Variants in AMDHD2 observed in about 807,000 individuals in gnomAD.
AMDHD2 encodes the protein N-acetylglucosamine-6-phosphate deacetylase.
AMDHD2 carries 24 observed loss-of-function variants against 41.8 expected under a neutral mutation model. That is an observed-to-expected ratio of 0.57 (90% CI 0.42 to 0.81). The LOEUF (loss-of-function observed/expected upper bound fraction) is 0.81, where lower values mean the gene tolerates loss of function less well. Ranked by LOEUF, AMDHD2 falls within the 30% of genes least tolerant of loss-of-function variation. The pLI, the probability that AMDHD2 is intolerant of heterozygous loss-of-function variation, is 0.00. For missense variants in AMDHD2, 540 were observed against 588.5 expected (o/e 0.92, Z 0.85); for synonymous variants, 332 against 255.5 (o/e 1.30, Z -2.85).
At chr16:2,522,419 A>T (rs898511345) in intron 3 of AMDHD2, among the ~76,000 whole-genome samples, 19 of 152,076 alleles carry the variant, frequency 1.2e-4, no homozygotes, top group African/African-American at 4.3e-4. Flanking sequence ...GCGGTGGCTC[A>T]CGCCTGTAAT....
Position 2,528,298 on chromosome 16 carries a change from C to T in AMDHD2, c.780C>T (p.Arg260=), listed in dbSNP as rs1242259453. 2 of 1,612,650 alleles carry T rather than the reference C, an allele frequency of 1.2e-6. No homozygotes were observed. Among genetic ancestry groups the T allele is most frequent in the South Asian group, 2.2e-5 (2 of 91,088 alleles). The part of the protein sequence containing the change: ...LLTSDRLPAG[R]CIFYGMIADG... ...CCAGCGACCGGCTGCCCGCAGGCCG[C>T]TGCATCTTCTATGGGATGATTGCAG... Residue 260 remains arginine (R), a synonymous_variant, in exon 7 of 11, where the codon CGC becomes CGT. Transcript: ENST00000293971.
At chr16:2,523,081 A>G (rs2065962526) in intron 3 of AMDHD2, among the ~76,000 whole-genome samples, 1 of 152,052 alleles carries the variant, frequency 6.6e-6, no homozygotes, top group African/African-American at 2.4e-5. Context: ...TGACCTCACG[A>G]TCTGCCCATC....
chr16:2,530,675 C>T lies in AMDHD2; in HGVS notation c.*1112C>T. The T allele has an allele frequency of 6.2e-7, 1 of 1,614,148 alleles. No individual in the cohort carries two copies. Among genetic ancestry groups the T allele is most frequent in the Non-Finnish European group, 8.5e-7 (1 of 1,180,022 alleles). ...CCCAGTTAAGGAAATGTCTCCAGGT[C>T]CAAAGAGATAGGATGGTCTGGGCCC... On this transcript the variant is annotated 3_prime_UTR_variant, in exon 11 of 11. Coordinates refer to ENST00000293971, the MANE Select transcript of AMDHD2 (RefSeq NM_001330449.2).
In AMDHD2 at chr16:2,520,523, G is replaced by A; in HGVS notation, c.65G>A (p.Arg22His). The change falls in exon 1 of 11, where the codon CGC becomes CAC. Residue 22 changes from arginine to histidine, a missense_variant. Arg to His is a conservative substitution (Grantham distance 29). Transcript: ENST00000293971. Reference sequence around the variant, plus strand: ...CAGTTCACTAACTGCCGGATCCTGCGCGGAGGGAAACTGCTCAGGTGGGCG... The same window carrying A: ...CAGTTCACTAACTGCCGGATCCTGCACGGAGGGAAACTGCTCAGGTGGGCG... The part of the protein sequence containing the change: ...VLQFTNCRIL[R>H]GGKLLREDLW... 8.1e-7 allele frequency: 1 copy of A among 1,239,528 alleles called. No homozygotes were observed. The highest frequency in any genetic ancestry group is 1.6e-5 in the African/African-American group (1 of 63,844). The allele number at this position is 1,239,528 out of a possible 1,614,324, so 76.8% of individuals were successfully genotyped here.
At position 2,528,081 on chromosome 16, in the gene AMDHD2, G is replaced by A. The variant is rs770281026; in HGVS notation, c.650G>A (p.Arg217Gln). 32 of 1,612,892 alleles carry A rather than the reference G, an allele frequency of 2.0e-5. No individual in the cohort carries two copies. Among genetic ancestry groups the A allele is most frequent in the East Asian group, 6.7e-5 (3 of 44,878 alleles). ...GCAGGGCACTCAGTGGCTGACCTGCGGGCGGCAGAGGATGCTGTGTGGAGC... is the reference window on the plus strand; with the variant it reads ...GCAGGGCACTCAGTGGCTGACCTGCAGGCGGCAGAGGATGCTGTGTGGAGC... ...VSLGHSVADL[R>Q]AAEDAVWSGA... The change falls in exon 6 of 11, where the codon CGG (arginine) becomes CAG (glutamine). Residue 217 changes from arginine (R) to glutamine (Q), a missense_variant. Arg to Gln is a conservative substitution (Grantham distance 43, BLOSUM62 1). Transcript: ENST00000293971.
chr16:2,520,996 T>A lies in AMDHD2; in HGVS notation c.233T>A (p.Val78Asp), dbSNP rs2065928071. Residue 78 changes from valine (V) to aspartate (D), a missense_variant, in exon 3 of 11, where the codon GTT becomes GAT. By Grantham distance (152) the Val-to-Asp change is radical (BLOSUM62 -3). Transcript: ENST00000293971. ...TCTGTGGCTGCAGGTGGATTTGGTG[T>A]TGACTTCTCTCAAGCCACGGAGGAC... is the stretch of plus-strand genomic sequence containing the variant. ...IDVQINGGFG[V>D]DFSQATEDVG... is the part of the protein sequence containing the mutation. 6.2e-7 allele frequency: 1 copy of A among 1,608,064 alleles called. No individual in the cohort carries two copies. Among genetic ancestry groups the A allele is most frequent in the Non-Finnish European group, 8.5e-7 (1 of 1,176,316 alleles).
chr16:2,524,044 C>T (rs187600848), intron 3 of AMDHD2, among the ~76,000 whole-genome samples: 43 of 152,346 alleles, frequency 2.8e-4, no homozygotes, highest in Admixed American at 2.7e-3. Context: ...GGTGTCTTAA[C>T]CCTTGGCGCA....
In AMDHD2 at chr16:2,530,349, C is replaced by T. The variant is rs763236527; in HGVS notation, c.*786C>T. 4 of 1,614,054 alleles carry T rather than the reference C, an allele frequency of 2.5e-6. No homozygotes were observed. The highest frequency in any genetic ancestry group is 1.7e-6 in the Non-Finnish European group (2 of 1,180,032). On this transcript the variant is annotated 3_prime_UTR_variant, in exon 11 of 11. Coordinates refer to ENST00000293971, the MANE Select transcript of AMDHD2 (RefSeq NM_001330449.2). Reference sequence around the variant, plus strand: ...CCCTGCTCACCCCATTAGTGTCATCCTGCCATCTTCTGTGTCCCCTTGGCC... The same window carrying T: ...CCCTGCTCACCCCATTAGTGTCATCTTGCCATCTTCTGTGTCCCCTTGGCC...
chr16:2,530,959 C>T lies in AMDHD2; in HGVS notation c.*1396C>T, dbSNP rs377440466. 6 of 1,613,402 alleles carry T rather than the reference C, an allele frequency of 3.7e-6. No homozygotes were observed. The Admixed American group carries it at 8.3e-5, about 22-fold the overall frequency. ...GCCTGTGCTGGGCCTGGGAGAGGAGCTGTCTTGCCAGGGCTCCCAGGCAGG... is the reference window on the plus strand; with the variant it reads ...GCCTGTGCTGGGCCTGGGAGAGGAGTTGTCTTGCCAGGGCTCCCAGGCAGG... On this transcript the variant is annotated 3_prime_UTR_variant, in exon 11 of 11. Coordinates refer to ENST00000293971, the MANE Select transcript of AMDHD2 (RefSeq NM_001330449.2).
intron 3 of AMDHD2, among the ~76,000 whole-genome samples, chr16:2,526,284 C>A (rs1382006086): frequency 6.6e-6 from 1 of 152,136 alleles, no homozygotes. Context: ...CTTGGGCTGG[C>A]TGGGTTCCCT....
Position 2,529,894 on chromosome 16 carries a change from G to C in AMDHD2, c.*331G>C. ...GGGCCTGTCTGCATGAAGTGGACCG[G>C]AGACCTGCAGACCCCAGGAAAGTGT... On this transcript the variant is annotated 3_prime_UTR_variant, in exon 11 of 11. Coordinates refer to ENST00000293971, the MANE Select transcript of AMDHD2 (RefSeq NM_001330449.2). 1.8e-6 allele frequency: 2 copies of C among 1,122,388 alleles called. No individual in the cohort carries two copies. Among genetic ancestry groups the C allele is most frequent in the South Asian group, 3.7e-5 (2 of 54,724 alleles). 69.5% of individuals were successfully genotyped at this position (1,122,388 alleles called of 1,614,324 possible).
At position 2,529,462 on chromosome 16, in the gene AMDHD2, G is replaced by T. The variant is rs750419617; in HGVS notation, c.1142-13G>T. 1 of 1,608,852 alleles carries T rather than the reference G, an allele frequency of 6.2e-7. No homozygotes were observed. ...CACTCCTGCCCCCTACTCATTGCCCGGCTCTGTCCCAGACTTCGTGGTGCT... is the reference window on the plus strand; with the variant it reads ...CACTCCTGCCCCCTACTCATTGCCCTGCTCTGTCCCAGACTTCGTGGTGCT... On this transcript the variant is annotated splice_polypyrimidine_tract_variant and intron_variant, in intron 10 of 10. Transcript: ENST00000293971.
chr16:2,520,959 G>T (rs768624611), intron 2 of AMDHD2, 25 bp from the exon 3 acceptor site: 19 of 1,596,792 alleles, frequency 1.2e-5, no homozygotes, highest in African/African-American at 1.3e-5. Flanking sequence ...AGCTCCATGC[G>T]ACACTTCCTT....
Position 2,529,472 on chromosome 16 carries a change from C to T in AMDHD2, c.1142-3C>T, listed in dbSNP as rs781477367. On this transcript the variant is annotated splice_polypyrimidine_tract_variant and splice_region_variant and intron_variant, in intron 10 of 10. Coordinates refer to ENST00000293971, the MANE Select transcript of AMDHD2 (RefSeq NM_001330449.2). ...CCCTACTCATTGCCCGGCTCTGTCCCAGACTTCGTGGTGCTCGACGACTCC... is the reference window on the plus strand; with the variant it reads ...CCCTACTCATTGCCCGGCTCTGTCCTAGACTTCGTGGTGCTCGACGACTCC... 1.1e-5 allele frequency: 17 copies of T among 1,609,922 alleles called. 1 individual carries two copies. The South Asian group carries it at 1.5e-4, about 15-fold the overall frequency.
At chr16:2,529,398 G>A (rs535598872) in intron 10 of AMDHD2, 77 bp from the exon 11 acceptor site, 32 of 1,586,814 alleles carry the variant, frequency 2.0e-5, no homozygotes, top group East Asian at 1.6e-4. Flanking sequence ...CACCAGCGTC[G>A]GGTTGTTGGG....
At chr16:2,522,898 C>T (rs2065960399) in intron 3 of AMDHD2, among the ~76,000 whole-genome samples, 1 of 147,868 alleles carries the variant, frequency 6.8e-6, no homozygotes, top group East Asian at 2.0e-4. Context: ...GGCTGGAGTG[C>T]AGTGGTGCGA....
Position 2,530,796 on chromosome 16 carries a change from A to T in AMDHD2, c.*1233A>T, listed in dbSNP as rs370312887. 3.7e-6 allele frequency: 6 copies of T among 1,613,364 alleles called. No individual in the cohort carries two copies. The African/African-American group carries it at 8.0e-5, about 22-fold the overall frequency. On this transcript the variant is annotated 3_prime_UTR_variant, in exon 11 of 11. Transcript: ENST00000293971. ...GGGCAGGGCACAAGGGGTTGATCTC[A>T]GCCCACAAGCCCCAGGGGCAGCCCA...
At position 2,520,437 on chromosome 16, in the gene AMDHD2, C is replaced by T. The variant is rs565373721; in HGVS notation, c.-22C>T. 1.3e-5 allele frequency: 16 copies of T among 1,227,980 alleles called. No homozygotes were observed. The highest frequency in any genetic ancestry group is 1.6e-5 in the Non-Finnish European group (16 of 979,998). The allele number at this position is 1,227,980 out of a possible 1,614,324, so 76.1% of individuals were successfully genotyped here. ...TGGCCGCCGCGGGGCTCCGGAGCCGCTCGCTCCCGACACGGCTCACGATGC... is the reference window on the plus strand; with the variant it reads ...TGGCCGCCGCGGGGCTCCGGAGCCGTTCGCTCCCGACACGGCTCACGATGC... On this transcript the variant is annotated 5_prime_UTR_variant, in exon 1 of 11. Coordinates refer to ENST00000293971, the MANE Select transcript of AMDHD2 (RefSeq NM_001330449.2).
rs1312643074 is a variant in AMDHD2 at position 2,530,738 on chromosome 16, G to A, written c.*1175G>A. On this transcript the variant is annotated 3_prime_UTR_variant, in exon 11 of 11. Transcript: ENST00000293971. ...GGGAACAGCCAGGGAAGAACCACCT[G>A]CCTGGGCAGGGCCTCGCCTGAGGGA... 1 of 1,613,870 alleles carries A rather than the reference G, an allele frequency of 6.2e-7. No homozygotes were observed. The highest frequency in any genetic ancestry group is 2.2e-5 in the East Asian group (1 of 44,876).
Sources: allele counts gnomAD v4.1 joint callset (sites outside exome capture counted in the v4.1 genomes callset), GRCh38; gene constraint gnomAD v4.1.1; transcripts MANE v1.5; gene names NCBI Gene and HGNC (gene_info 2026-07-23, HGNC 2026-07-21).